TTC39B: variants seen among roughly 807,000 people sequenced by gnomAD.
TTC39B encodes tetratricopeptide repeat protein 39B.
TTC39B carries 92 observed loss-of-function variants against 96.6 expected under a neutral mutation model. The observed-to-expected ratio is 0.95, with a 90% CI of 0.80 to 1.13. The LOEUF is 1.13. TTC39B is among the 50% of genes most tolerant of loss of function. TTC39B has a pLI of 0.00. For synonymous variants in TTC39B, 367 were observed against 299.4 expected (o/e 1.23, Z -2.33); for missense variants, 955 against 809.3 (o/e 1.18, Z -2.18).
At chr9:15,271,463 G>C (rs1191149376) in intron 1 of TTC39B, among the ~76,000 whole-genome samples, 2 of 152,156 alleles carry the variant, frequency 1.3e-5, no homozygotes, top group Non-Finnish European at 2.9e-5. Flanking sequence ...GATGGTTTCA[G>C]GATGAAACTG....
At chr9:15,260,950 G>A (rs13300482) in intron 2 of TTC39B, among the ~76,000 whole-genome samples, 10,613 of 152,180 alleles carry the variant, frequency 0.07, 473 homozygotes, top group Non-Finnish European at 0.098. Flanking sequence ...GAGTTTCTAT[G>A]TAAGGATAAA....
chr9:15,275,887 G>C (rs185747161), intron 1 of TTC39B, among the ~76,000 whole-genome samples: 2 of 152,286 alleles, frequency 1.3e-5, no homozygotes, highest in African/African-American at 4.8e-5. Context: ...GCCTAAAAGT[G>C]ATCTACACAC....
chr9:15,293,749 T>C (rs1157441777), intron 1 of TTC39B, among the ~76,000 whole-genome samples: 2 of 152,228 alleles, frequency 1.3e-5, no homozygotes, highest in Non-Finnish European at 2.9e-5. Context: ...AAGTTTGGCC[T>C]AAAGGTTTCT....
chr9:15,256,184 T>C, intron 2 of TTC39B, among the ~76,000 whole-genome samples: 1 of 149,088 alleles, frequency 6.7e-6, no homozygotes, highest in East Asian at 2.0e-4. Flanking sequence ...TTCCTTCTTC[T>C]TTTTTTTTTC....
At chr9:15,207,828 C>G (rs902417506) in intron 6 of TTC39B, among the ~76,000 whole-genome samples, 1 of 150,234 alleles carries the variant, frequency 6.7e-6, no homozygotes. Flanking sequence ...ACTAAAAATA[C>G]AAAAAATTAG....
At chr9:15,289,889 C>T (rs552353657) in intron 1 of TTC39B, among the ~76,000 whole-genome samples, 29 of 152,096 alleles carry the variant, frequency 1.9e-4, no homozygotes, top group Non-Finnish European at 3.7e-4. Context: ...GCAAGTGGAA[C>T]AAATTATTCA....
chr9:15,207,340 C>T (rs1001991331), intron 6 of TTC39B, among the ~76,000 whole-genome samples: 4 of 152,312 alleles, frequency 2.6e-5, no homozygotes, highest in South Asian at 2.1e-4. Flanking sequence ...CTACCTTATT[C>T]CAGATTTCCT....
intron 2 of TTC39B, among the ~76,000 whole-genome samples, chr9:15,246,269 T>C (rs1467728848): frequency 1.3e-5 from 2 of 151,962 alleles, no homozygotes; most frequent in African/African-American, 4.8e-5. Context: ...AAAAAATAAA[T>C]AAATAAATAA....
chr9:15,290,011 G>T (rs1365998452), intron 1 of TTC39B, among the ~76,000 whole-genome samples: 1 of 152,124 alleles, frequency 6.6e-6, no homozygotes, highest in African/African-American at 2.4e-5. Context: ...CTTGATTTGT[G>T]ACACCTAACA....
chr9:15,279,892 C>CTTTTTTTT (rs1164750793), intron 1 of TTC39B, among the ~76,000 whole-genome samples: 2 of 101,818 alleles, frequency 2.0e-5, no homozygotes, highest in Non-Finnish European at 3.8e-5. Context: ...TTTTTCTTTT[C>CTTTTTTTT]TTTTTTTTTT....
chr9:15,238,841 C>G (rs1273345970), intron 2 of TTC39B, among the ~76,000 whole-genome samples: 3 of 152,106 alleles, frequency 2.0e-5, no homozygotes, highest in East Asian at 1.9e-4. Context: ...TGAAAATTAT[C>G]TGGGCGTGGT....
intron 16 of TTC39B, among the ~76,000 whole-genome samples, chr9:15,183,047 T>A (rs965502480): frequency 6.6e-6 from 1 of 152,178 alleles, no homozygotes; most frequent in Non-Finnish European, 1.5e-5. Context: ...TGCTTTTGCT[T>A]GAAAATATTT....
Position 15,177,861 on chromosome 9 carries a change from T to C in TTC39B, c.1724-47A>G, listed in dbSNP as rs1170680509. 13 of 1,243,020 alleles carry C rather than the reference T, an allele frequency of 1.0e-5. No individual in the cohort carries two copies. The South Asian group carries it at 1.5e-4, about 14-fold the overall frequency. The allele number at this position is 1,243,020 out of a possible 1,614,324, so 77.0% of individuals were successfully genotyped here. A position where few individuals can be genotyped will look rare whatever the true frequency, so the allele number is the denominator to read the frequency against. ...AGAAAACACACAAAGAAAAATACTT[T>C]TTAAGATCTTTTTTTTTTTTTTTTT... is the stretch of plus-strand genomic sequence containing the variant. On this transcript the variant is annotated intron_variant, in intron 17 of 19. Transcript: ENST00000512701.
intron 8 of TTC39B, among the ~76,000 whole-genome samples, chr9:15,195,338 G>A (rs909237222): frequency 6.6e-6 from 1 of 152,062 alleles, no homozygotes; most frequent in African/African-American, 2.4e-5. Context: ...AGCTAACAGA[G>A]GTTGTTTCAT....
chr9:15,198,496 G>A (rs912397841), intron 8 of TTC39B, among the ~76,000 whole-genome samples: 2 of 148,078 alleles, frequency 1.4e-5, no homozygotes, highest in Non-Finnish European at 3.0e-5. Flanking sequence ...ATCATAAAGG[G>A]CAAAATGTGG....
exon 20 of TTC39B, chr9:15,169,939 T>C (rs1299546440): frequency 2.0e-5 from 3 of 152,144 alleles, no homozygotes; most frequent in African/African-American, 4.8e-5. Context: ...ACAGTAACAA[T>C]GTAAGAATAT....
chr9:15,164,950 C>A (rs1442822485), exon 20 of TTC39B: 2 of 152,192 alleles, frequency 1.3e-5, no homozygotes, highest in Admixed American at 6.5e-5. Flanking sequence ...TTACCATAAT[C>A]TCTGTTTATG....
chr9:15,190,692 A>C, intron 10 of TTC39B, 30 bp from the exon 11 acceptor site: 2 of 1,552,234 alleles, frequency 1.3e-6, no homozygotes, highest in South Asian at 1.1e-5. Flanking sequence ...TTTTAGAAAG[A>C]GAACAAGACT....
At chr9:15,171,514 G>T (rs1817659350) in exon 20 of TTC39B, 1 of 152,526 alleles carries the variant, frequency 6.6e-6, no homozygotes, top group African/African-American at 2.4e-5. Flanking sequence ...CCGTGTTCAT[G>T]TTCTCAGACT....
Sources: gnomAD v4.1 joint callset for allele counts (sites outside exome capture counted in the v4.1 genomes callset) on GRCh38, gnomAD v4.1.1 for gene constraint, MANE v1.5 for transcripts, NCBI Gene and HGNC (gene_info 2026-07-23, HGNC 2026-07-21) for gene names.